The following KLC1 variants were observed in gnomAD, a reference collection of about 807,000 sequenced individuals.
KLC1 encodes kinesin 2 60/70kDa.
KLC1 carries 30 observed loss-of-function variants against 84.2 expected under a neutral mutation model. The ratio of observed to expected loss-of-function variants is 0.36; its 90% CI spans 0.27 to 0.48. The LOEUF is 0.48. Ranked by LOEUF, KLC1 falls within the 20% of genes least tolerant of loss-of-function variation. KLC1 has a pLI of 0.99. For missense variants in KLC1, 499 were observed against 805.4 expected (o/e 0.62, Z 4.60); for synonymous variants, 289 against 293.3 (o/e 0.99, Z 0.15).
Position 103,694,324 on chromosome 14 carries a change from C to T in KLC1, c.1848+1899C>T, listed in dbSNP as rs1266685420. 12 of 940,252 alleles carry T rather than the reference C, an allele frequency of 1.3e-5. No individual in the cohort carries two copies. Among genetic ancestry groups the T allele is most frequent in the African/African-American group, 3.6e-5 (2 of 55,960 alleles). 58.2% of individuals were successfully genotyped at this position (940,252 alleles called of 1,614,324 possible). A position where few individuals can be genotyped will look rare whatever the true frequency, so the allele number is the denominator to read the frequency against. On this transcript the variant is annotated intron_variant, in intron 15 of 16. Coordinates refer to ENST00000334553, the MANE Select transcript of KLC1 (RefSeq NM_001394837.1). The surrounding 1 kb of genome is among the most constrained non-coding windows in gnomAD (Gnocchi z 4.5). ...TGGAGCGCAGTGGCCCAATCTCGGC[C>T]CACTGCAAGCTCCACCTCCTGGGTT...
At chr14:103,631,198 A>G (rs2076656433) in intron 1 of KLC1, among the ~76,000 whole-genome samples, 1 of 151,396 alleles carries the variant, frequency 6.6e-6, no homozygotes, top group African/African-American at 2.4e-5. Context: ...CTCCTGCCTC[A>G]ACCTACTGAG....
At chr14:103,673,985 T>A (rs985179921) in intron 9 of KLC1, among the ~76,000 whole-genome samples, 24 of 150,984 alleles carry the variant, frequency 1.6e-4, no homozygotes, top group Non-Finnish European at 5.9e-5. Context: ...TGAGAAGCAG[T>A]TAGACTGGGA....
chr14:103,692,272 G>T, intron 14 of KLC1, 87 bp from the exon 15 acceptor site: 3 of 1,274,832 alleles, frequency 2.4e-6, no homozygotes, highest in Non-Finnish European at 3.3e-6. Flanking sequence ...TCACAGAGGC[G>T]TTGGAGGGGG....
At chr14:103,633,715 C>G (rs1231349482) in intron 1 of KLC1, among the ~76,000 whole-genome samples, 5 of 152,158 alleles carry the variant, frequency 3.3e-5, no homozygotes, top group Admixed American at 3.3e-4. Context: ...TCTGGCCCTA[C>G]TCAAGCACTT....
At chr14:103,662,624 A>G (rs2079391276) in intron 4 of KLC1, 78 bp from the exon 5 acceptor site, 5 of 1,183,560 alleles carry the variant, frequency 4.2e-6, no homozygotes, top group Non-Finnish European at 4.7e-6. Context: ...CAAAGTTAGT[A>G]AAGATAATTT....
chr14:103,680,822 T>G (rs2081288469), intron 13 of KLC1, among the ~76,000 whole-genome samples: 1 of 152,208 alleles, frequency 6.6e-6, no homozygotes, highest in Admixed American at 6.5e-5. Context: ...GGAGCCAGGG[T>G]GCAGATTGTG....
intron 13 of KLC1, chr14:103,684,963 A>G (rs1214429048): frequency 4.6e-6 from 4 of 870,904 alleles, no homozygotes; most frequent in Non-Finnish European, 7.6e-6. Flanking sequence ...GTTGGTAACA[A>G]GTGTTATTTT....
At chr14:103,667,541 G>T (rs751335956) in intron 5 of KLC1, among the ~76,000 whole-genome samples, 5 of 151,720 alleles carry the variant, frequency 3.3e-5, no homozygotes, top group South Asian at 2.1e-4. Flanking sequence ...TCACTGTGTT[G>T]CCCAGGCTTG....
intron 3 of KLC1, among the ~76,000 whole-genome samples, chr14:103,660,358 G>A (rs146371675): frequency 0.021 from 3,169 of 151,972 alleles, 77 homozygotes; most frequent in African/African-American, 0.054. Flanking sequence ...GCACATACCT[G>A]TAATCCCAGC....
intron 1 of KLC1, among the ~76,000 whole-genome samples, chr14:103,632,165 A>G (rs552730742): frequency 1.3e-5 from 2 of 152,124 alleles, no homozygotes; most frequent in South Asian, 4.1e-4. Context: ...CTGAGGCTGC[A>G]GATCGCCCCT....
At chr14:103,655,631 C>G (rs180856645) in intron 2 of KLC1, among the ~76,000 whole-genome samples, 7 of 146,954 alleles carry the variant, frequency 4.8e-5, no homozygotes, top group Non-Finnish European at 9.0e-5. Context: ...TTTTTTGAGA[C>G]AGTGTTTGCT....
In KLC1 at chr14:103,662,812, C is replaced by T. The variant is rs774619761; in HGVS notation, c.682C>T (p.Arg228Cys). 2 of 1,613,010 alleles carry T rather than the reference C, an allele frequency of 1.2e-6. No individual in the cohort carries two copies. Among genetic ancestry groups the T allele is most frequent in the Non-Finnish European group, 8.5e-7 (1 of 1,179,822 alleles). Residue 228 changes from arginine to cysteine, a missense_variant, in exon 5 of 17, where the codon CGC becomes TGC. By Grantham distance (180) the Arg-to-Cys change is radical (BLOSUM62 -3). Transcript: ENST00000334553. ...GGTGATCCAGTACGCCTCGCAGGGG[C>T]GCTACGAGGTAGCTGTGCCCCTCTG... is the stretch of plus-strand genomic sequence containing the variant. Reference protein sequence around the residue: ...NLVIQYASQGRYEVAVPLCKQ... With the variant: ...NLVIQYASQGCYEVAVPLCKQ...
intron 1 of KLC1, among the ~76,000 whole-genome samples, chr14:103,643,701 G>T (rs902283851): frequency 1.3e-4 from 20 of 152,122 alleles, no homozygotes; most frequent in Non-Finnish European, 2.9e-5. Flanking sequence ...GCCAAGGCAG[G>T]CAGATCACTT....
intron 1 of KLC1, among the ~76,000 whole-genome samples, chr14:103,633,276 C>T (rs896498649): frequency 5.9e-5 from 9 of 152,044 alleles, no homozygotes; most frequent in Non-Finnish European, 1.0e-4. Context: ...CCAGGATGGT[C>T]TCCATCTCCT....
rs898371582 is a variant in KLC1 at position 103,694,167 on chromosome 14, T to C, written c.1848+1742T>C. 8 of 985,444 alleles carry C rather than the reference T, an allele frequency of 8.1e-6. No individual in the cohort carries two copies. In the African/African-American group the frequency reaches 1.4e-4, roughly 17 times the overall value. The allele number at this position is 985,444 out of a possible 1,614,324, so 61.0% of individuals were successfully genotyped here. On this transcript the variant is annotated intron_variant, in intron 15 of 16. Transcript: ENST00000334553. The surrounding 1 kb of genome is among the most constrained non-coding windows in gnomAD (Gnocchi z 4.5). ...TCTCTTTCCAAGGTCCCCATGCCTGTGGCCCTGGGGCCCCATGCCCCCTTT... is the reference window on the plus strand; with the variant it reads ...TCTCTTTCCAAGGTCCCCATGCCTGCGGCCCTGGGGCCCCATGCCCCCTTT...
Position 103,679,409 on chromosome 14 carries a change from G to C in KLC1, c.1514G>C (p.Arg505Thr). 6.2e-7 allele frequency: 1 copy of C among 1,614,032 alleles called. No homozygotes were observed. The highest frequency in any genetic ancestry group is 8.5e-7 in the Non-Finnish European group (1 of 1,180,012). Residue 505 changes from arginine to threonine, a missense_variant, in exon 13 of 17, where the codon AGG (arginine) becomes ACG (threonine). Around this residue, in one of 3 missense-constraint regions of KLC1, gnomAD observed 167 missense variants for 208.8 expected, o/e 0.80. Transcript: ENST00000334553. ...GGTCTTGACAATGTTCACAAACAGA[G>C]GGTGGCAGAAGTGCTCAATGACCCT... is the stretch of plus-strand genomic sequence containing the variant. ...KQGLDNVHKQ[R>T]VAEVLNDPEN...
rs8007701 is a variant in KLC1, at chr14:103,693,776, G to A, written c.1848+1351G>A. On this transcript the variant is annotated intron_variant, in intron 15 of 16. Coordinates refer to ENST00000334553, the MANE Select transcript of KLC1 (RefSeq NM_001394837.1). This position sits in a 1 kb window ranked among gnomAD's most constrained non-coding sequence, Gnocchi z 5.1. ...TTGGAGGTGCCTTTTCAAAACACCC[G>A]GGAGGCCGTGCCTCAGCATTCTGTT... The A allele has an allele frequency of 0.044, 63,294 of 1,422,450 alleles. 1,621 individuals carry two copies. The highest frequency in any genetic ancestry group is 0.062 in the Middle Eastern group (239 of 3,834). The allele number at this position is 1,422,450 out of a possible 1,614,324, so 88.1% of individuals were successfully genotyped here.
Position 103,631,255 on chromosome 14 carries a change from T to C in KLC1, c.-2+1761T>C, listed in dbSNP as rs184157713. On this transcript the variant is annotated intron_variant, in intron 1 of 16. Transcript: ENST00000334553. Reference sequence around the variant, plus strand: ...GCCACCACGCCCGGTTAATTTTTTGTATTTTTAGTAGAGATGGGGTTTCAA... The same window carrying C: ...GCCACCACGCCCGGTTAATTTTTTGCATTTTTAGTAGAGATGGGGTTTCAA... Among the ~76,000 whole-genome samples the C allele has an allele frequency of 2.3e-4, 35 of 152,222 alleles. 3 individuals are homozygous for C. The highest frequency in any genetic ancestry group is 1.8e-3 in the Admixed American group (27 of 15,278).
Position 103,675,537 on chromosome 14 carries a change from T to C in KLC1, c.1262-15T>C. On this transcript the variant is annotated splice_polypyrimidine_tract_variant and intron_variant, in intron 9 of 16. Coordinates refer to ENST00000334553, the MANE Select transcript of KLC1 (RefSeq NM_001394837.1). ...TTAAGGATGCTCAACCTGTATGCTG[T>C]GTTTTCTTCCCTAGATGAAAATAAA... The C allele has an allele frequency of 6.2e-7, 1 of 1,608,986 alleles. No individual in the cohort carries two copies. The highest frequency in any genetic ancestry group is 1.3e-5 in the African/African-American group (1 of 74,900).
Sources: gnomAD v4.1 joint callset for allele counts (sites outside exome capture counted in the v4.1 genomes callset) on GRCh38, gnomAD v4.1.1 for gene constraint, gnomAD v4.1.1 regional missense constraint, Gnocchi (gnomAD v3.1) non-coding constraint, MANE v1.5 for transcripts, NCBI Gene and HGNC (gene_info 2026-07-23, HGNC 2026-07-21) for gene names.